MAD1L1: variants seen among roughly 807,000 people sequenced by gnomAD.
MAD1L1 encodes the protein mitotic arrest deficient 1 like 1.
MAD1L1 carries 95 observed loss-of-function variants against 96.9 expected under a neutral mutation model. That is an observed-to-expected ratio of 0.98 (90% CI 0.83 to 1.16). The LOEUF is 1.16. MAD1L1 is among the 50% of genes most tolerant of loss of function. MAD1L1 has a pLI of 0.00. For synonymous variants in MAD1L1, 473 were observed against 396.6 expected (o/e 1.19, Z -2.29); for missense variants, 1,007 against 954.4 (o/e 1.06, Z -0.73).
At chr7:1,911,992 C>G (rs1477171127) in intron 17 of MAD1L1, among the ~76,000 whole-genome samples, 1 of 152,236 alleles carries the variant, frequency 6.6e-6, no homozygotes, top group Non-Finnish European at 1.5e-5. Context: ...TGGGAGTGGG[C>G]TGGGTTCCAC....
intron 18 of MAD1L1, chr7:1,817,033 A>G (rs6973700): frequency 0.26 from 39,894 of 152,248 alleles, 5,546 homozygotes; most frequent in South Asian, 0.34. Flanking sequence ...AAGAGGAAAG[A>G]GCCAATTAAA....
intron 10 of MAD1L1, among the ~76,000 whole-genome samples, chr7:2,182,924 C>T (rs1321749536): frequency 6.6e-6 from 1 of 152,156 alleles, no homozygotes; most frequent in African/African-American, 2.4e-5. Context: ...AAATTAAACA[C>T]TTTAAAACAG....
At chr7:1,880,048 A>G (rs1785598929) in intron 18 of MAD1L1, among the ~76,000 whole-genome samples, 1 of 152,194 alleles carries the variant, frequency 6.6e-6, no homozygotes, top group African/African-American at 2.4e-5. Context: ...GATTTTCAAC[A>G]AAAGTACCAA....
chr7:1,920,533 G>A (rs1314419532), intron 17 of MAD1L1, among the ~76,000 whole-genome samples: 1 of 152,256 alleles, frequency 6.6e-6, no homozygotes, highest in African/African-American at 2.4e-5. Context: ...CATGGAGTTG[G>A]GGGAGAAGGA....
chr7:1,928,341 G>GACGGA (rs2128459485), intron 17 of MAD1L1, among the ~76,000 whole-genome samples: 1 of 151,682 alleles, frequency 6.6e-6, no homozygotes, highest in South Asian at 2.1e-4. Context: ...AGGAGCCCAC[G>GACGGA]ACGGAACTCC....
chr7:2,143,954 T>C lies in MAD1L1; in HGVS notation c.1073+5198A>G, dbSNP rs115447945. On this transcript the variant is annotated intron_variant, in intron 11 of 18. Transcript: ENST00000265854. ...TACCTTAAGTCAGCATCGAGGAGGA[T>C]GCCTGGGGCTTCAAACAGGCAAAAC... Among the ~76,000 whole-genome samples the C allele has an allele frequency of 2.4e-3, 367 of 152,282 alleles. 1 individual carries two copies. Among genetic ancestry groups the C allele is most frequent in the African/African-American group, 8.4e-3 (347 of 41,554 alleles).
intron 10 of MAD1L1, among the ~76,000 whole-genome samples, chr7:2,173,208 C>T (rs1202858662): frequency 6.6e-6 from 1 of 152,234 alleles, no homozygotes; most frequent in Non-Finnish European, 1.5e-5. Context: ...AGACGATAGG[C>T]TTTCATTGCC....
At chr7:1,879,424 C>G (rs1785557620) in intron 18 of MAD1L1, among the ~76,000 whole-genome samples, 1 of 143,410 alleles carries the variant, frequency 7.0e-6, no homozygotes, top group Admixed American at 7.1e-5. Flanking sequence ...CATGGCACTC[C>G]AGCCTGAGTG....
At chr7:2,052,120 C>G (rs925633701) in intron 12 of MAD1L1, among the ~76,000 whole-genome samples, 1 of 152,142 alleles carries the variant, frequency 6.6e-6, no homozygotes, top group African/African-American at 2.4e-5. Context: ...CCGCACACAT[C>G]AGAGAGGAGG....
At chr7:2,184,903 G>A (rs1231607935) in intron 10 of MAD1L1, among the ~76,000 whole-genome samples, 2 of 152,194 alleles carry the variant, frequency 1.3e-5, no homozygotes, top group Non-Finnish European at 2.9e-5. Flanking sequence ...TCGGGAGGCT[G>A]AGGCAGGAGA....
chr7:1,953,641 G>T (rs1192001392), intron 16 of MAD1L1, among the ~76,000 whole-genome samples: 1 of 152,278 alleles, frequency 6.6e-6, no homozygotes, highest in Non-Finnish European at 1.5e-5. Context: ...CGCGGCGGCT[G>T]GGCGAGGGAT....
At chr7:1,876,007 G>A (rs1463615342) in intron 18 of MAD1L1, among the ~76,000 whole-genome samples, 1 of 152,202 alleles carries the variant, frequency 6.6e-6, no homozygotes, top group Non-Finnish European at 1.5e-5. Context: ...CAACTCCGGT[G>A]CCCTTTGATC....
intron 18 of MAD1L1, among the ~76,000 whole-genome samples, chr7:1,897,115 A>G (rs1360817315): frequency 1.4e-5 from 2 of 146,790 alleles, no homozygotes; most frequent in Non-Finnish European, 3.0e-5. Context: ...CGTGCAGCGC[A>G]GGCTGTGAAG....
intron 9 of MAD1L1, among the ~76,000 whole-genome samples, chr7:2,214,081 G>A (rs144459777): frequency 2.1e-4 from 32 of 152,334 alleles, no homozygotes; most frequent in African/African-American, 7.7e-4. Flanking sequence ...TTCGCTACGC[G>A]CCAGGCACTG....
chr7:2,140,244 C>T (rs569184829), intron 11 of MAD1L1, among the ~76,000 whole-genome samples: 1 of 152,326 alleles, frequency 6.6e-6, no homozygotes, highest in South Asian at 2.1e-4. Context: ...GAGGCAAAGG[C>T]TCAGCCACAT....
intron 12 of MAD1L1, among the ~76,000 whole-genome samples, chr7:2,034,000 G>A (rs1242465815): frequency 1.3e-5 from 2 of 152,140 alleles, no homozygotes; most frequent in Non-Finnish European, 2.9e-5. Context: ...GGAGGCTCAG[G>A]CAGGAGGATA....
intron 18 of MAD1L1, among the ~76,000 whole-genome samples, chr7:1,858,439 C>T (rs4602777): frequency 0.52 from 79,606 of 152,172 alleles, 21,849 homozygotes; most frequent in East Asian, 0.75. Flanking sequence ...GCCTCCCTTC[C>T]ACCCAGGGGC....
intron 18 of MAD1L1, chr7:1,847,577 T>G (rs1052871755): frequency 2.1e-6 from 1 of 471,016 alleles, no homozygotes; most frequent in Admixed American, 2.3e-5. Flanking sequence ...TCGGCCCATG[T>G]TCTGAAACCG....
Position 2,048,333 on chromosome 7 carries a change from T to G in MAD1L1, c.1218+20861A>C, listed in dbSNP as rs529983543. On this transcript the variant is annotated intron_variant, in intron 12 of 18. Transcript: ENST00000265854. ...GTTCACCCAGGCAAGTTCCTTCATC[T>G]CATCCAACGACAAATTCCTGTTGCA... Among the ~76,000 whole-genome samples the G allele has an allele frequency of 4.0e-3, 614 of 152,336 alleles. 6 individuals are homozygous for G. The highest frequency in any genetic ancestry group is 0.014 in the African/African-American group (581 of 41,572).
Sources: gnomAD v4.1 joint callset for allele counts (sites outside exome capture counted in the v4.1 genomes callset) on GRCh38, gnomAD v4.1.1 for gene constraint, MANE v1.5 for transcripts, NCBI Gene and HGNC (gene_info 2026-07-23, HGNC 2026-07-21) for gene names.